The following MTERF4 variants were observed in gnomAD, a reference collection of about 807,000 sequenced individuals.
The protein encoded by MTERF4 is transcription termination factor 4, mitochondrial.
Under a neutral mutation model 22.5 loss-of-function variants are expected in MTERF4, and 17 were observed. The ratio of observed to expected loss-of-function variants is 0.75; its 90% CI spans 0.52 to 1.13. The LOEUF (loss-of-function observed/expected upper bound fraction) is 1.13. Among genes scored for constraint, MTERF4 ranks in the 50% most tolerant of loss-of-function variants. The probability of loss-of-function intolerance (pLI) is 0.00; values close to 1 mark genes in which losing one functional copy is unlikely to be tolerated. For synonymous variants in MTERF4, 165 were observed against 175.3 expected, an observed-to-expected ratio of 0.94 and a Z score of 0.47; for missense variants, 420 against 466.8, an observed-to-expected ratio of 0.90 and a Z score of 0.92.
chr2:241,063,254 C>CTAA, the MTERF4 span: 1 of 481,790 alleles, frequency 2.1e-6, no homozygotes. Flanking sequence ...TCTTGTACCT[C>CTAA]GCTAGGGCTC....
the MTERF4 span, among the ~76,000 whole-genome samples, chr2:241,056,473 A>G: frequency 2.0e-5 from 3 of 152,158 alleles, no homozygotes; most frequent in Non-Finnish European, 4.4e-5. Flanking sequence ...GATACAACAG[A>G]AGAAAAAAAA....
the MTERF4 span, chr2:241,052,485 GAT>G: frequency 1.9e-6 from 3 of 1,565,944 alleles, no homozygotes; most frequent in East Asian, 2.3e-5. Flanking sequence ...GGGTCAGGGG[GAT>G]CAAGCAGGGT....
chr2:241,100,791 A>G (rs1403510507), intron 1 of MTERF4, among the ~76,000 whole-genome samples: 2 of 152,198 alleles, frequency 1.3e-5, no homozygotes, highest in Non-Finnish European at 2.9e-5. Context: ...TGAGTAGGCT[A>G]TTAGTAGTTG....
At chr2:241,086,179 T>C (rs995312421), downstream of MTERF4, among the ~76,000 whole-genome samples, 2 of 152,204 alleles carry the variant, frequency 1.3e-5, no homozygotes, top group African/African-American at 4.8e-5. Context: ...GTCTGGGGTT[T>C]CTATGGATGG....
rs1410098268 is a variant in MTERF4 at position 241,073,573 on chromosome 2, CA to C, written n.2588del. On this transcript the variant is annotated non_coding_transcript_exon_variant, in exon 5 of 5. Transcript: ENST00000464344. The surrounding 1 kb of genome is among the most constrained non-coding windows in gnomAD (Gnocchi z 6.6). ...TGGGACCCCACAGACGGGAACAGGC[CA>C]GGGGGCAGGACCCACCCAAACCACC... 5 of 616,052 alleles carry C rather than the reference CA, an allele frequency of 8.1e-6. No individual in the cohort carries two copies. The highest frequency in any genetic ancestry group is 1.5e-5 in the Non-Finnish European group (5 of 340,328). The allele number at this position is 616,052 out of a possible 1,614,324, so 38.2% of individuals were successfully genotyped here. A position where few individuals can be genotyped will look rare whatever the true frequency, so the allele number is the denominator to read the frequency against.
At position 241,097,297 on chromosome 2, in the gene MTERF4, G is replaced by A. The variant is rs77789545; in HGVS notation, c.651C>T (p.His217=). Residue 217 remains histidine, a synonymous_variant, in exon 3 of 4, where the codon CAC becomes CAT. Coordinates refer to ENST00000391980, the MANE Select transcript of MTERF4 (RefSeq NM_182501.4). ...CCTCTCGAAGAACAGAGGGGCAACT[G>A]TGCAAAATCTTGGTGACTTGCTGTA... ...FTVQQVTKIL[H]SCPSVLREDL... 3.7e-6 allele frequency: 6 copies of A among 1,614,198 alleles called. No individual in the cohort carries two copies. In the East Asian group the frequency reaches 1.3e-4, roughly 36 times the overall value.
the MTERF4 span, among the ~76,000 whole-genome samples, chr2:241,047,196 ATGC>A: frequency 6.6e-6 from 1 of 151,336 alleles, no homozygotes; most frequent in African/African-American, 2.4e-5. Flanking sequence ...AATCAAGATA[ATGC>A]TGCAGTGGCT....
At chr2:241,063,385 T>A in the MTERF4 span, 1 of 598,490 alleles carries the variant, frequency 1.7e-6, no homozygotes, top group South Asian at 1.8e-5. Context: ...GAGGTGGGGC[T>A]TTGCCAGCAG....
downstream of MTERF4, chr2:241,094,221 A>G: frequency 2.3e-6 from 1 of 442,256 alleles, no homozygotes; most frequent in Non-Finnish European, 4.7e-6. The surrounding 1 kb of genome is among the most constrained non-coding windows in gnomAD (Gnocchi z 4.3). Flanking sequence ...TGCTGTGCCC[A>G]CTGTCCTCCA....
chr2:241,087,583 G>A (rs910463988), downstream of MTERF4: 86 of 1,458,040 alleles, frequency 5.9e-5, no homozygotes, highest in South Asian at 6.1e-4. Context: ...TGAGCCAGGC[G>A]GTCTACTCGC....
downstream of MTERF4, among the ~76,000 whole-genome samples, chr2:241,067,494 G>C (rs191498521): frequency 1.3e-5 from 2 of 152,224 alleles, no homozygotes; most frequent in African/African-American, 4.8e-5. Context: ...TCTAAATGGA[G>C]ACTAAGACCC....
At position 241,099,592 on chromosome 2, in the gene MTERF4, A is replaced by G. The variant is rs2064608386; in HGVS notation, c.324T>C (p.His108=). ...GCCGTACACTGAGCAATTCATTAAT[A>G]TGGGCATTGCTGAAACCCATGTCCA... ...SLLDMGFSNA[H]INELLSVRRG... is the part of the protein sequence containing the mutation. The change falls in exon 2 of 4, where the codon CAT becomes CAC. Residue 108 remains histidine (H), a synonymous_variant. Coordinates refer to ENST00000391980, the MANE Select transcript of MTERF4 (RefSeq NM_182501.4). 1 of 1,614,202 alleles carries G rather than the reference A, an allele frequency of 6.2e-7. No individual in the cohort carries two copies. Among genetic ancestry groups the G allele is most frequent in the African/African-American group, 1.3e-5 (1 of 75,054 alleles).
chr2:241,048,834 C>T, the MTERF4 span: 1 of 1,389,736 alleles, frequency 7.2e-7, no homozygotes, highest in Non-Finnish European at 1.0e-6. Flanking sequence ...TGAATGGTGG[C>T]TTCGGCCGGG....
chr2:241,059,936 A>C, the MTERF4 span, among the ~76,000 whole-genome samples: 10 of 152,176 alleles, frequency 6.6e-5, no homozygotes, highest in African/African-American at 1.7e-4. Flanking sequence ...AATAAAAGGA[A>C]GGAAAGGAAG....
At chr2:241,052,732 C>T in the MTERF4 span, among the ~76,000 whole-genome samples, 1 of 43,960 alleles carries the variant, frequency 2.3e-5, no homozygotes, top group East Asian at 4.6e-4. Flanking sequence ...GATACCAGTG[C>T]CAGGCAGGTG....
At chr2:241,048,864 C>A in the MTERF4 span, 2 of 1,221,948 alleles carry the variant, frequency 1.6e-6, no homozygotes, top group Non-Finnish European at 2.3e-6. Flanking sequence ...TCCAGACTGT[C>A]GACCATTGGT....
chr2:241,087,777 C>A, downstream of MTERF4: 1 of 1,059,944 alleles, frequency 9.4e-7, no homozygotes, highest in Non-Finnish European at 1.2e-6. Flanking sequence ...TACGGACAGC[C>A]CCGAGTATTT....
chr2:241,049,914 C>G, the MTERF4 span: 1 of 1,613,502 alleles, frequency 6.2e-7, no homozygotes, highest in Non-Finnish European at 8.5e-7. Context: ...GCGGGTTCCA[C>G]GGCAAGCACT....
At chr2:241,051,566 C>T in the MTERF4 span, 1 of 464,070 alleles carries the variant, frequency 2.2e-6, no homozygotes, top group Non-Finnish European at 3.8e-6. This position sits in a 1 kb window ranked among gnomAD's most constrained non-coding sequence, Gnocchi z 4.7. Flanking sequence ...CTGTGAGCCC[C>T]ACCCCAGCCC....
Sources: gnomAD v4.1 joint callset for allele counts (sites outside exome capture counted in the v4.1 genomes callset) on GRCh38, gnomAD v4.1.1 for gene constraint, Gnocchi (gnomAD v3.1) non-coding constraint, MANE v1.5 for transcripts, NCBI Gene and HGNC (gene_info 2026-07-23, HGNC 2026-07-21) for gene names.